Variants in LRRC4C observed in about 807,000 individuals in gnomAD.
LRRC4C encodes the protein leucine rich repeat containing 4C.
LRRC4C carries 5 observed loss-of-function variants against 33.6 expected under a neutral mutation model. The observed-to-expected ratio is 0.15, with a 90% confidence interval of 0.08 to 0.31. The LOEUF (loss-of-function observed/expected upper bound fraction) is 0.31. LRRC4C is among the 10% of genes least tolerant of loss of function. LRRC4C has a pLI of 1.00. For synonymous variants in LRRC4C, 329 were observed against 302.0 expected (o/e 1.09, Z -0.93); for missense variants, 560 against 796.7 (o/e 0.70, Z 3.58).
At chr11:40,329,480 G>A (rs992940283) in intron 3 of LRRC4C, among the ~76,000 whole-genome samples, 13 of 152,166 alleles carry the variant, frequency 8.5e-5, no homozygotes, top group Non-Finnish European at 1.8e-4. Context: ...GACTGGGCAG[G>A]AATCAGGGTT....
At chr11:40,898,933 C>T (rs1213822782) in intron 2 of LRRC4C, among the ~76,000 whole-genome samples, 1 of 152,108 alleles carries the variant, frequency 6.6e-6, no homozygotes, top group Admixed American at 6.5e-5. Flanking sequence ...ACTAGCTCAT[C>T]CTATTTCCTT....
At chr11:41,144,081 C>T (rs1943628461) in intron 1 of LRRC4C, among the ~76,000 whole-genome samples, 1 of 152,136 alleles carries the variant, frequency 6.6e-6, no homozygotes, top group Non-Finnish European at 1.5e-5. Flanking sequence ...GACATTTTTG[C>T]TCTATCACCT....
chr11:41,261,508 T>C (rs891735943), intron 1 of LRRC4C, among the ~76,000 whole-genome samples: 2 of 151,912 alleles, frequency 1.3e-5, no homozygotes, highest in Non-Finnish European at 2.9e-5. Flanking sequence ...TCAATCTTCT[T>C]CCCCCATTTG....
intron 3 of LRRC4C, among the ~76,000 whole-genome samples, chr11:40,486,091 C>G (rs1953849427): frequency 6.6e-6 from 1 of 151,020 alleles, no homozygotes. Flanking sequence ...AATAAACCCC[C>G]ATGACACAAG....
chr11:41,150,756 AAC>A (rs1565429428), intron 1 of LRRC4C, among the ~76,000 whole-genome samples: 1 of 150,744 alleles, frequency 6.6e-6, no homozygotes, highest in Non-Finnish European at 1.5e-5. Flanking sequence ...GCCACTGCAC[AAC>A]AGACTCCATC....
intron 1 of LRRC4C, among the ~76,000 whole-genome samples, chr11:41,151,173 T>C (rs1323886997): frequency 6.6e-6 from 1 of 152,208 alleles, no homozygotes; most frequent in Admixed American, 6.5e-5. Context: ...AGTTTTTTGC[T>C]ACCCATTAAT....
At chr11:40,428,892 T>A (rs1323872807) in intron 3 of LRRC4C, among the ~76,000 whole-genome samples, 2 of 152,136 alleles carry the variant, frequency 1.3e-5, no homozygotes, top group African/African-American at 4.8e-5. Flanking sequence ...GGGCTTGAAG[T>A]CAGGAGTGGA....
At chr11:40,784,104 A>C (rs1950321108) in intron 2 of LRRC4C, among the ~76,000 whole-genome samples, 1 of 152,100 alleles carries the variant, frequency 6.6e-6, no homozygotes, top group African/African-American at 2.4e-5. Context: ...ACATTCATTA[A>C]AGAATAATCC....
intron 5 of LRRC4C, among the ~76,000 whole-genome samples, chr11:40,146,748 G>A (rs185625109): frequency 6.6e-6 from 1 of 152,060 alleles, no homozygotes; most frequent in Non-Finnish European, 1.5e-5. Flanking sequence ...AATTGGACTA[G>A]GACATCCTCA....
At chr11:41,420,948 T>C in intron 1 of LRRC4C, among the ~76,000 whole-genome samples, 1 of 151,976 alleles carries the variant, frequency 6.6e-6, no homozygotes. Flanking sequence ...ATAAAGTATA[T>C]GAATGTTTGG....
chr11:40,823,803 C>T (rs1366513141), intron 2 of LRRC4C, among the ~76,000 whole-genome samples: 1 of 151,618 alleles, frequency 6.6e-6, no homozygotes, highest in Non-Finnish European at 1.5e-5. Context: ...ATAAACTTAC[C>T]CTATGACCTA....
In LRRC4C at chr11:40,677,661, G is replaced by T. The variant is rs183262467; in HGVS notation, c.-406-29383C>A. Among the ~76,000 whole-genome samples, 216 of 152,114 alleles carry T rather than the reference G, an allele frequency of 1.4e-3. No individual in the cohort carries two copies. The Middle Eastern group carries it at 0.024, about 17-fold the overall frequency. ...CTGTTTTCTTATATTTCTTAATAAC[G>T]AAACTGCCAATCTTTAGCAGTGTGT... On this transcript the variant is annotated intron_variant, in intron 2 of 6. Transcript: ENST00000528697.
At chr11:40,426,987 T>G (rs1950740409) in intron 3 of LRRC4C, among the ~76,000 whole-genome samples, 1 of 152,214 alleles carries the variant, frequency 6.6e-6, no homozygotes, top group African/African-American at 2.4e-5. Context: ...GTTTCTGTAC[T>G]GGAATGCTTA....
intron 1 of LRRC4C, among the ~76,000 whole-genome samples, chr11:40,958,775 T>C (rs1433357925): frequency 6.6e-6 from 1 of 151,748 alleles, no homozygotes; most frequent in Non-Finnish European, 1.5e-5. Flanking sequence ...CTTTATAGAA[T>C]AGTTTGCAGA....
At chr11:40,428,903 T>G (rs1950811871) in intron 3 of LRRC4C, among the ~76,000 whole-genome samples, 1 of 152,172 alleles carries the variant, frequency 6.6e-6, no homozygotes, top group Non-Finnish European at 1.5e-5. Context: ...CAGGAGTGGA[T>G]GTTTTGTGAG....
intron 1 of LRRC4C, among the ~76,000 whole-genome samples, chr11:41,121,422 T>C (rs1236546244): frequency 1.3e-5 from 2 of 152,200 alleles, no homozygotes; most frequent in Non-Finnish European, 2.9e-5. Flanking sequence ...TCAGGCATTA[T>C]GATAAATTTG....
chr11:40,764,731 A>AG (rs940593051), intron 2 of LRRC4C, among the ~76,000 whole-genome samples: 26 of 95,534 alleles, frequency 2.7e-4, no homozygotes, highest in Non-Finnish European at 6.0e-4. Context: ...AGGCAGCTCA[A>AG]GGAGAGAGAA....
At chr11:40,929,371 A>G (rs1286291015) in intron 2 of LRRC4C, among the ~76,000 whole-genome samples, 3 of 152,304 alleles carry the variant, frequency 2.0e-5, no homozygotes, top group East Asian at 3.9e-4. Flanking sequence ...ACAAAATTGC[A>G]CTTGTACCCC....
chr11:41,044,375 C>T (rs1001402577), intron 1 of LRRC4C, among the ~76,000 whole-genome samples: 1 of 152,090 alleles, frequency 6.6e-6, no homozygotes, highest in Admixed American at 6.6e-5. Flanking sequence ...GGGAGAATTC[C>T]CAATGTGAGC....
Sources: allele counts gnomAD v4.1 joint callset (sites outside exome capture counted in the v4.1 genomes callset), GRCh38; gene constraint gnomAD v4.1.1; transcripts MANE v1.5; gene names NCBI Gene and HGNC (gene_info 2026-07-23, HGNC 2026-07-21).